MDFIC2: variants seen among roughly 807,000 people sequenced by gnomAD.
MDFIC2 encodes the protein MyoD family inhibitor domain containing 2.
intron 2 of MDFIC2, among the ~76,000 whole-genome samples, chr3:70,259,630 C>G (rs1701847254): frequency 6.6e-6 from 1 of 152,078 alleles, no homozygotes; most frequent in Non-Finnish European, 1.5e-5. Context: ...ATCTCTACAC[C>G]CTGAAAGTCT....
chr3:70,208,958 A>G (rs1289413105), intron 2 of MDFIC2, among the ~76,000 whole-genome samples: 1 of 152,106 alleles, frequency 6.6e-6, no homozygotes, highest in Non-Finnish European at 1.5e-5. Context: ...GTTGAAAGCA[A>G]TTAATGTAGT....
intron 2 of MDFIC2, among the ~76,000 whole-genome samples, chr3:70,281,360 T>G (rs1163084236): frequency 6.6e-6 from 1 of 152,172 alleles, no homozygotes; most frequent in Non-Finnish European, 1.5e-5. Flanking sequence ...ATTATTTGAC[T>G]CTCCTCTGTC....
At chr3:70,254,866 T>G (rs989249775) in intron 2 of MDFIC2, among the ~76,000 whole-genome samples, 1 of 152,220 alleles carries the variant, frequency 6.6e-6, no homozygotes, top group Non-Finnish European at 1.5e-5. Flanking sequence ...TTTAAAAAAC[T>G]GAGAGCATAT....
intron 2 of MDFIC2, among the ~76,000 whole-genome samples, chr3:70,253,485 G>A (rs766993003): frequency 3.9e-4 from 60 of 152,216 alleles, no homozygotes; most frequent in Non-Finnish European, 6.6e-4. Flanking sequence ...TGGGCACAGT[G>A]GCTCATGCCT....
intron 2 of MDFIC2, among the ~76,000 whole-genome samples, chr3:70,251,254 G>A (rs908635358): frequency 1.3e-5 from 2 of 152,170 alleles, no homozygotes; most frequent in African/African-American, 4.8e-5. Flanking sequence ...GCTTTGTAGA[G>A]TTTCATTTCT....
intron 2 of MDFIC2, among the ~76,000 whole-genome samples, chr3:70,266,981 A>G (rs1216428027): frequency 5.3e-5 from 8 of 152,174 alleles, no homozygotes; most frequent in African/African-American, 7.2e-5. Flanking sequence ...ACATGCTTGG[A>G]TGGAGACTGC....
intron 2 of MDFIC2, chr3:70,249,205 T>A (rs80206468): frequency 6.6e-6 from 1 of 152,150 alleles, no homozygotes; most frequent in Admixed American, 6.6e-5. Flanking sequence ...AGGTATGAAG[T>A]GAATCAAGAG....
chr3:70,231,949 T>G (rs1701563593), intron 2 of MDFIC2, among the ~76,000 whole-genome samples: 1 of 152,210 alleles, frequency 6.6e-6, no homozygotes, highest in African/African-American at 2.4e-5. Context: ...CGTGTATTCT[T>G]GACAGTTGTT....
intron 2 of MDFIC2, among the ~76,000 whole-genome samples, chr3:70,246,799 G>GA (rs1369448319): frequency 6.6e-6 from 1 of 151,814 alleles, no homozygotes; most frequent in East Asian, 1.9e-4. Flanking sequence ...TTTTTAGAGG[G>GA]AAAAAAACCC....
intron 2 of MDFIC2, among the ~76,000 whole-genome samples, chr3:70,279,808 C>A (rs2106680258): frequency 1.3e-5 from 2 of 152,282 alleles, no homozygotes; most frequent in South Asian, 4.1e-4. Context: ...CTTCTCCTTG[C>A]ATATCTTTTG....
intron 2 of MDFIC2, among the ~76,000 whole-genome samples, chr3:70,213,438 A>G (rs1701369815): frequency 6.6e-6 from 1 of 152,148 alleles, no homozygotes; most frequent in Non-Finnish European, 1.5e-5. Context: ...TCAAACGTAT[A>G]GACCATTTTT....
rs1429374905 is a variant in MDFIC2, at chr3:70,241,751, G to A, written c.89-34961C>T. Among the ~76,000 whole-genome samples, 4 of 152,200 alleles carry A rather than the reference G, an allele frequency of 2.6e-5. No individual in the cohort carries two copies. In the East Asian group the frequency reaches 7.7e-4, roughly 29 times the overall value. On this transcript the variant is annotated intron_variant, in intron 2 of 3. Transcript: ENST00000567252. ...AAGGCGTCTAATGTCTCACACACAT[G>A]AGTCCATTTAATCCTTCCTAAAAAC...
At chr3:70,294,793 C>T (rs757849637) in intron 2 of MDFIC2, among the ~76,000 whole-genome samples, 3 of 152,068 alleles carry the variant, frequency 2.0e-5, no homozygotes, top group Non-Finnish European at 4.4e-5. Flanking sequence ...TGGCTTTTTG[C>T]TCAGTCTGGC....
At chr3:70,266,494 C>CA (rs1403781157) in intron 2 of MDFIC2, among the ~76,000 whole-genome samples, 4 of 152,096 alleles carry the variant, frequency 2.6e-5, no homozygotes, top group African/African-American at 9.7e-5. Flanking sequence ...AATCATGGCT[C>CA]ACTGCAGCCT....
At chr3:70,256,168 A>G (rs115594670) in intron 2 of MDFIC2, among the ~76,000 whole-genome samples, 3,566 of 152,318 alleles carry the variant, frequency 0.023, 150 homozygotes, top group African/African-American at 0.081. Context: ...ACTCTTTAAG[A>G]TGGATCCTTT....
intron 2 of MDFIC2, among the ~76,000 whole-genome samples, chr3:70,252,118 C>G (rs1701774909): frequency 6.6e-6 from 1 of 152,116 alleles, no homozygotes; most frequent in African/African-American, 2.4e-5. Context: ...GAATTCAGCT[C>G]ATATAGATCT....
At chr3:70,263,205 A>G (rs1269799326) in intron 2 of MDFIC2, among the ~76,000 whole-genome samples, 3 of 152,112 alleles carry the variant, frequency 2.0e-5, no homozygotes, top group East Asian at 3.9e-4. Flanking sequence ...GTTATGGATC[A>G]TATTTTCCTG....
intron 2 of MDFIC2, among the ~76,000 whole-genome samples, chr3:70,251,066 C>T (rs556765054): frequency 3.9e-5 from 6 of 152,182 alleles, no homozygotes; most frequent in Non-Finnish European, 5.9e-5. Flanking sequence ...ACGGTTGAAT[C>T]GTATTCATTA....
At chr3:70,228,349 C>T (rs1443280154) in intron 2 of MDFIC2, among the ~76,000 whole-genome samples, 1 of 151,876 alleles carries the variant, frequency 6.6e-6, no homozygotes, top group East Asian at 1.9e-4. Context: ...TTTCATTTGA[C>T]AAGTAATTCA....
Sources: allele counts gnomAD v4.1 joint callset (sites outside exome capture counted in the v4.1 genomes callset), GRCh38; gene constraint gnomAD v4.1.1; transcripts MANE v1.5; gene names NCBI Gene and HGNC (gene_info 2026-07-23, HGNC 2026-07-21).